Variants in NAA16 observed in about 807,000 individuals in gnomAD.
The protein encoded by NAA16 is NARG1-like protein.
A neutral mutation model predicts 110.3 loss-of-function variants in NAA16; 97 were observed. The ratio of observed to expected loss-of-function variants is 0.88; its 90% confidence interval spans 0.75 to 1.04. The LOEUF is 1.04. Ranked by LOEUF, NAA16 falls within the 50% of genes least tolerant of loss-of-function variation. NAA16 has a pLI of 0.00. For synonymous variants in NAA16, 372 were observed against 330.6 expected (o/e 1.13, Z -1.36); for missense variants, 1,017 against 1,005.1 (o/e 1.01, Z -0.16).
At chr13:41,311,670 C>T (rs1476360814) in intron 1 of NAA16, 88 bp downstream of exon 1, 1 of 1,200,318 alleles carries the variant, frequency 8.3e-7, no homozygotes, top group Non-Finnish European at 1.2e-6. Flanking sequence ...CCGGCGCGGG[C>T]CAGGCTTGGC....
intron 9 of NAA16, among the ~76,000 whole-genome samples, chr13:41,339,590 C>G (rs1038037006): frequency 3.3e-5 from 5 of 152,078 alleles, no homozygotes; most frequent in Admixed American, 3.3e-4. Flanking sequence ...TGGAGTCCCA[C>G]TCTGTCGCCC....
intron 5 of NAA16, among the ~76,000 whole-genome samples, chr13:41,324,959 T>C (rs1233902976): frequency 7.7e-6 from 1 of 130,454 alleles, no homozygotes; most frequent in African/African-American, 2.7e-5. Flanking sequence ...TTAGTTTAGT[T>C]TTTTTTTTTT....
At position 41,369,119 on chromosome 13, in the gene NAA16, A is replaced by G; in HGVS notation, c.1783A>G (p.Met595Val). 6.4e-7 allele frequency: 1 copy of G among 1,569,578 alleles called. No homozygotes were observed. The highest frequency in any genetic ancestry group is 8.6e-7 in the Non-Finnish European group (1 of 1,167,682). ...ENLSAKELKKMLSKQRRAQKK... is the reference protein window; with the variant it reads ...ENLSAKELKKVLSKQRRAQKK... ...CTTGTCAGCCAAAGAATTGAAGAAA[A>G]TGCTTAGCAAGCAGAGAAGAGCTCA... The change falls in exon 15 of 20, where the codon ATG becomes GTG. Residue 595 changes from methionine (M) to valine (V), a missense_variant. Transcript: ENST00000379406.
chr13:41,362,893 C>G (rs926430389), intron 13 of NAA16: 1 of 1,182,916 alleles, frequency 8.5e-7, no homozygotes, highest in African/African-American at 1.6e-5. Flanking sequence ...ATGTCTGCAC[C>G]GTGGCAGTCA....
At chr13:41,370,889 G>GA (rs2139516531) in intron 15 of NAA16, among the ~76,000 whole-genome samples, 1 of 152,260 alleles carries the variant, frequency 6.6e-6, no homozygotes, top group Admixed American at 6.5e-5. Context: ...TGAAAGTCTG[G>GA]AAGGATTACA....
intron 15 of NAA16, among the ~76,000 whole-genome samples, chr13:41,371,607 A>G (rs1348406246): frequency 6.6e-6 from 1 of 152,172 alleles, no homozygotes; most frequent in Non-Finnish European, 1.5e-5. Context: ...TATTTTCTAT[A>G]GCTTACTTTA....
At chr13:41,339,328 G>A (rs372554448) in intron 9 of NAA16, among the ~76,000 whole-genome samples, 9 of 152,074 alleles carry the variant, frequency 5.9e-5, no homozygotes, top group Admixed American at 3.3e-4. Context: ...TAGTAAAGAC[G>A]AGGTTTCTCC....
chr13:41,335,539 G>C (rs1284043636), intron 8 of NAA16, among the ~76,000 whole-genome samples: 1 of 152,174 alleles, frequency 6.6e-6, no homozygotes, highest in Non-Finnish European at 1.5e-5. Context: ...AGAAGCAGTG[G>C]TGTATAATTT....
rs781133888 is a variant in NAA16, at chr13:41,318,894, T to A, written c.228T>A (p.Asp76Glu). 23 of 1,592,994 alleles carry A rather than the reference T, an allele frequency of 1.4e-5. No individual in the cohort carries two copies. The highest frequency in any genetic ancestry group is 3.3e-4 in the Middle Eastern group (2 of 6,006). Reference protein sequence around the residue: ...YEFVRKGLRNDVKSHVCWHVY... With the variant: ...YEFVRKGLRNEVKSHVCWHVY... ...TTGTTCGTAAAGGACTTCGTAATGA[T>A]GTCAAGAGTCATGTCTGTATCCTTT... Residue 76 changes from aspartate to glutamate, a missense_variant, in exon 3 of 20, where the codon GAT becomes GAA. Transcript: ENST00000379406.
At chr13:41,350,614 T>G (rs1450182017) in intron 9 of NAA16, among the ~76,000 whole-genome samples, 1 of 18,668 alleles carries the variant, frequency 5.4e-5, no homozygotes, top group African/African-American at 2.1e-4. Context: ...TTTGTTTTTT[T>G]TTTTTGTTTG....
chr13:41,342,678 G>A (rs1299066226), intron 9 of NAA16, among the ~76,000 whole-genome samples: 2 of 152,172 alleles, frequency 1.3e-5, no homozygotes, highest in Non-Finnish European at 1.5e-5. Flanking sequence ...TAGTCTGCTG[G>A]TGGTCTGAGT....
At chr13:41,357,249 A>G (rs1179271488) in intron 10 of NAA16, among the ~76,000 whole-genome samples, 1 of 152,218 alleles carries the variant, frequency 6.6e-6, no homozygotes, top group Non-Finnish European at 1.5e-5. Context: ...GGAGCCTAGG[A>G]GTTCCAGGCT....
chr13:41,367,473 TC>T lies in NAA16; in HGVS notation c.1576del (p.His526IlefsTer5). ...FFEITDDQFD[F>X]HTYCMRKMTL... ...GAGATAACTGATGACCAATTCGACT[TC>T]CATACATACTGCATGAGAAAGATGA... On this transcript the variant is annotated frameshift_variant, in exon 14 of 20. Coordinates refer to ENST00000379406, the MANE Select transcript of NAA16 (RefSeq NM_024561.5). LOFTEE classifies it high-confidence loss of function. The T allele has an allele frequency of 1.2e-6, 2 of 1,611,374 alleles. No individual in the cohort carries two copies. The highest frequency in any genetic ancestry group is 1.7e-6 in the Non-Finnish European group (2 of 1,178,482).
At chr13:41,343,563 G>C (rs990947354) in intron 9 of NAA16, among the ~76,000 whole-genome samples, 1 of 151,772 alleles carries the variant, frequency 6.6e-6, no homozygotes, top group Admixed American at 6.6e-5. Flanking sequence ...TTGGAGTCTC[G>C]CTCTGTCACC....
At chr13:41,367,767 C>CCA in intron 14 of NAA16, 115 bp downstream of exon 14, 1 of 667,304 alleles carries the variant, frequency 1.5e-6, no homozygotes, top group African/African-American at 1.8e-5. Context: ...TGAAGACAAA[C>CCA]ATTAGATAAC....
intron 9 of NAA16, among the ~76,000 whole-genome samples, chr13:41,343,757 T>C (rs969095908): frequency 1.3e-5 from 2 of 152,212 alleles, no homozygotes; most frequent in African/African-American, 4.8e-5. Flanking sequence ...CCCAGGCTGG[T>C]CTCGAACTCC....
At chr13:41,374,095 G>A (rs940780061) in intron 18 of NAA16, among the ~76,000 whole-genome samples, 9 of 151,282 alleles carry the variant, frequency 5.9e-5, no homozygotes, top group South Asian at 2.1e-4. Flanking sequence ...AAGTGTCTAC[G>A]AAAGCTTTAA....
intron 3 of NAA16, among the ~76,000 whole-genome samples, 159 bp from the exon 4 acceptor site, chr13:41,320,508 C>T (rs924185107): frequency 4.6e-5 from 7 of 152,180 alleles, no homozygotes; most frequent in Non-Finnish European, 1.0e-4. Flanking sequence ...GCTCTGGTTT[C>T]GTCTTTAACT....
chr13:41,373,941 G>A, intron 18 of NAA16, 161 bp downstream of exon 18: 1 of 1,179,468 alleles, frequency 8.5e-7, no homozygotes, highest in African/African-American at 1.6e-5. Flanking sequence ...GGGGAAACAG[G>A]GATGGATTCA....
Sources: gnomAD v4.1 joint callset for allele counts (sites outside exome capture counted in the v4.1 genomes callset) on GRCh38, gnomAD v4.1.1 for gene constraint, MANE v1.5 for transcripts, NCBI Gene and HGNC (gene_info 2026-07-23, HGNC 2026-07-21) for gene names.